The following PPP2R2B variants were observed in gnomAD, a reference collection of about 807,000 sequenced individuals.
PPP2R2B encodes the protein serine/threonine-protein phosphatase 2A 55 kDa regulatory subunit B beta isoform.
In PPP2R2B, 5 loss-of-function variants were observed where a neutral mutation model predicts 46.0. The observed-to-expected ratio is 0.11, with a 90% confidence interval of 0.06 to 0.23. The LOEUF is 0.23. Among genes scored for constraint, PPP2R2B ranks in the 10% least tolerant of loss-of-function variants. The pLI is 1.00. For synonymous variants in PPP2R2B, 215 were observed against 206.7 expected (o/e 1.04, Z -0.34); for missense variants, 367 against 575.0 (o/e 0.64, Z 3.70).
chr5:146,713,926 G>A (rs530938581), intron 2 of PPP2R2B, among the ~76,000 whole-genome samples: 1 of 152,224 alleles, frequency 6.6e-6, no homozygotes, highest in Non-Finnish European at 1.5e-5. Context: ...GTTCAGGAGA[G>A]GGGATTGAGC....
chr5:146,645,957 C>G (rs1024774043), intron 6 of PPP2R2B, among the ~76,000 whole-genome samples: 1 of 152,216 alleles, frequency 6.6e-6, no homozygotes, highest in African/African-American at 2.4e-5. Flanking sequence ...CATGTCTCCA[C>G]ACCTCTTTGC....
At position 146,673,901 on chromosome 5, in the gene PPP2R2B, A is replaced by C. The variant is rs75450474; in HGVS notation, c.447+17227T>G. Among the ~76,000 whole-genome samples the C allele has an allele frequency of 3.5e-3, 534 of 152,276 alleles. 4 individuals are homozygous for C. The highest frequency in any genetic ancestry group is 0.012 in the African/African-American group (504 of 41,542). On this transcript the variant is annotated intron_variant, in intron 5 of 9. Coordinates refer to ENST00000394411, the MANE Select transcript of PPP2R2B (RefSeq NM_181675.4). The stretch of plus-strand genomic sequence containing the variant: ...ATCTTATCTGCACTTGCAGTTTCCC[A>C]TTCTCAGGGGAATTTTCTTCCAGCA...
chr5:146,965,920 G>A (rs1339967952), intron 1 of PPP2R2B, among the ~76,000 whole-genome samples: 3 of 152,096 alleles, frequency 2.0e-5, no homozygotes, highest in Non-Finnish European at 4.4e-5. Flanking sequence ...CTATAAAGTG[G>A]GAATCGTACG....
At chr5:146,943,759 G>T (rs907612115) in intron 1 of PPP2R2B, among the ~76,000 whole-genome samples, 2 of 152,112 alleles carry the variant, frequency 1.3e-5, no homozygotes, top group Non-Finnish European at 2.9e-5. Context: ...TATATGAGAG[G>T]ATCCAAATCC....
rs369715096 is a variant in PPP2R2B at position 146,709,949 on chromosome 5, T to C, written c.71-8807A>G. ...TGCACAGGGCCAGGTTATTAATGCA[T>C]GTTGAGTTGGAAACTCCCTTGCCTT... On this transcript the variant is annotated intron_variant, in intron 2 of 9. Coordinates refer to ENST00000394411, the MANE Select transcript of PPP2R2B (RefSeq NM_181675.4). Among the ~76,000 whole-genome samples, 24 of 152,356 alleles carry C rather than the reference T, an allele frequency of 1.6e-4. No individual in the cohort carries two copies. The East Asian group carries it at 1.9e-3, about 12-fold the overall frequency.
chr5:147,041,653 G>A (rs6881673), intron 1 of PPP2R2B, among the ~76,000 whole-genome samples: 119,297 of 151,998 alleles, frequency 0.78, 47,170 homozygotes, highest in African/African-American at 0.85. Flanking sequence ...TCCTGAAGAC[G>A]GTGATTCTTG....
chr5:146,849,992 T>C (rs1327435993), intron 2 of PPP2R2B, among the ~76,000 whole-genome samples: 2 of 152,066 alleles, frequency 1.3e-5, no homozygotes, highest in African/African-American at 4.8e-5. Flanking sequence ...GAACAGCCTT[T>C]GAAGGTGGAG....
At chr5:146,943,495 G>A (rs965452401) in intron 1 of PPP2R2B, among the ~76,000 whole-genome samples, 1 of 152,190 alleles carries the variant, frequency 6.6e-6, no homozygotes, top group Non-Finnish European at 1.5e-5. Flanking sequence ...CCATGAGGTT[G>A]TAAGAAAGTA....
At chr5:146,934,647 A>G (rs957679428) in intron 1 of PPP2R2B, among the ~76,000 whole-genome samples, 4 of 151,276 alleles carry the variant, frequency 2.6e-5, no homozygotes, top group Non-Finnish European at 5.9e-5. Flanking sequence ...CTTTGGCCTC[A>G]ACAAATATAC....
chr5:146,935,407 T>G (rs1355438715), intron 1 of PPP2R2B, among the ~76,000 whole-genome samples: 4 of 152,184 alleles, frequency 2.6e-5, no homozygotes, highest in Non-Finnish European at 4.4e-5. Flanking sequence ...TTGTTGTTTA[T>G]AAGGTACTCA....
At chr5:146,605,424 T>C (rs1772170060) in intron 7 of PPP2R2B, among the ~76,000 whole-genome samples, 1 of 152,208 alleles carries the variant, frequency 6.6e-6, no homozygotes, top group Middle Eastern at 3.2e-3. Context: ...CTACTCTAGG[T>C]AGCCTTTCCA....
intron 2 of PPP2R2B, among the ~76,000 whole-genome samples, chr5:147,062,661 A>G (rs1168395911): frequency 6.6e-6 from 1 of 151,916 alleles, no homozygotes; most frequent in East Asian, 1.9e-4. Context: ...TGGTCTGAAC[A>G]TTATCTCCCC....
chr5:146,672,827 G>A (rs539161779), intron 5 of PPP2R2B, among the ~76,000 whole-genome samples: 50 of 151,992 alleles, frequency 3.3e-4, no homozygotes, highest in Non-Finnish European at 6.0e-4. Context: ...TTTCCTTCAC[G>A]AGAACTCTCT....
At chr5:146,992,774 T>C (rs928841850) in intron 1 of PPP2R2B, among the ~76,000 whole-genome samples, 3 of 152,236 alleles carry the variant, frequency 2.0e-5, no homozygotes, top group Admixed American at 6.5e-5. Flanking sequence ...TACAGACTTA[T>C]AATTTCATTA....
At chr5:146,767,045 C>CA (rs10605079) in intron 2 of PPP2R2B, among the ~76,000 whole-genome samples, 845 of 46,328 alleles carry the variant, frequency 0.018, 149 homozygotes, top group African/African-American at 0.079. Context: ...AGAAGTGTCT[C>CA]AAAAAAAAAA....
chr5:146,844,365 AAC>A (rs1345689353), intron 2 of PPP2R2B, among the ~76,000 whole-genome samples: 73 of 133,266 alleles, frequency 5.5e-4, no homozygotes, highest in African/African-American at 2.2e-3. Context: ...AAAAAAAAAA[AAC>A]ATTAAAAAAA....
At chr5:147,070,765 C>T (rs1196937106) in intron 2 of PPP2R2B, among the ~76,000 whole-genome samples, 2 of 152,152 alleles carry the variant, frequency 1.3e-5, no homozygotes, top group Non-Finnish European at 2.9e-5. Context: ...CATCCTCATT[C>T]CTTGCTGCAA....
At chr5:146,895,513 TA>T (rs927622065) in intron 1 of PPP2R2B, among the ~76,000 whole-genome samples, 14 of 152,344 alleles carry the variant, frequency 9.2e-5, no homozygotes, top group African/African-American at 3.4e-4. Context: ...ATTCATGAAT[TA>T]AAAACAGTAG....
chr5:146,635,155 C>T (rs766301638), intron 7 of PPP2R2B, among the ~76,000 whole-genome samples: 6 of 152,130 alleles, frequency 3.9e-5, no homozygotes, highest in Non-Finnish European at 8.8e-5. Context: ...AATATTTCTA[C>T]TTTCAAATGA....
Sources: gnomAD v4.1 joint callset for allele counts (sites outside exome capture counted in the v4.1 genomes callset) on GRCh38, gnomAD v4.1.1 for gene constraint, MANE v1.5 for transcripts, NCBI Gene and HGNC (gene_info 2026-07-23, HGNC 2026-07-21) for gene names.